The following RNF217 variants were observed in gnomAD, a reference collection of about 807,000 sequenced individuals.
RNF217 encodes the protein ring finger protein 217.
Under a neutral mutation model 57.8 loss-of-function variants are expected in RNF217, and 31 were observed. The ratio of observed to expected loss-of-function variants is 0.54; its 90% CI spans 0.40 to 0.72. The LOEUF (loss-of-function observed/expected upper bound fraction) is 0.72. RNF217 is among the 30% of genes least tolerant of loss of function. RNF217 has a pLI of 0.00. For synonymous variants in RNF217, 313 were observed against 294.0 expected, an observed-to-expected ratio of 1.06 and a Z score of -0.66; for missense variants, 696 against 708.3, an observed-to-expected ratio of 0.98 and a Z score of 0.20.
chr6:125,068,958 T>C (rs749899791), intron 3 of RNF217, among the ~76,000 whole-genome samples: 23 of 151,890 alleles, frequency 1.5e-4, no homozygotes, highest in Admixed American at 1.3e-4. Flanking sequence ...AAGATGAAGC[T>C]GAAGGAGGGG....
intron 1 of RNF217, among the ~76,000 whole-genome samples, chr6:124,964,199 T>A (rs1344138208): frequency 1.3e-5 from 2 of 152,210 alleles, no homozygotes; most frequent in Admixed American, 6.5e-5. Context: ...CAGTTTTCAA[T>A]CTGTGATGTT....
chr6:125,033,747 C>G (rs1171169790), intron 1 of RNF217, among the ~76,000 whole-genome samples: 2 of 151,982 alleles, frequency 1.3e-5, no homozygotes, highest in African/African-American at 2.4e-5. Flanking sequence ...ATTTCTAGTT[C>G]AAGATCCCTG....
chr6:125,052,530 C>G (rs1787364524), intron 2 of RNF217, among the ~76,000 whole-genome samples: 1 of 151,920 alleles, frequency 6.6e-6, no homozygotes, highest in Admixed American at 6.6e-5. Flanking sequence ...GGGAAGAGAT[C>G]CCCAAGTAGG....
intron 1 of RNF217, among the ~76,000 whole-genome samples, chr6:125,025,382 T>C (rs889549866): frequency 3.9e-5 from 6 of 152,204 alleles, no homozygotes; most frequent in African/African-American, 1.2e-4. Context: ...TGTTTTCTTT[T>C]GCTTTTATAG....
intron 4 of RNF217, 137 bp from the exon 5 acceptor site, chr6:125,081,299 C>T (rs1788563894): frequency 6.5e-6 from 4 of 615,206 alleles, no homozygotes; most frequent in Non-Finnish European, 8.5e-6. Context: ...TGATACATTT[C>T]TTAGATATAT....
At chr6:124,967,189 G>A (rs775519536) in intron 1 of RNF217, among the ~76,000 whole-genome samples, 9 of 152,292 alleles carry the variant, frequency 5.9e-5, no homozygotes, top group Middle Eastern at 3.4e-3. Flanking sequence ...CTGTGTATGC[G>A]TGTGTGAATA....
rs1232651500 is a variant in RNF217 at position 124,962,580 on chromosome 6, CG to C, written c.39del (p.Gln15ArgfsTer181). 7.9e-7 allele frequency: 1 copy of C among 1,268,388 alleles called. No individual in the cohort carries two copies. The highest frequency in any genetic ancestry group is 9.9e-7 in the Non-Finnish European group (1 of 1,011,430). 78.6% of individuals were successfully genotyped at this position (1,268,388 alleles called of 1,614,324 possible). On this transcript the variant is annotated frameshift_variant, in exon 1 of 6. Coordinates refer to ENST00000521654, the MANE Select transcript of RNF217 (RefSeq NM_001286398.3). LOFTEE classifies it high-confidence loss of function. The surrounding 1 kb of genome is among the most constrained non-coding windows in gnomAD (Gnocchi z 4.6). The stretch of plus-strand genomic sequence containing the variant: ...AGCAGAGCACGGTGAGCGGCGGCGG[CG>C]GGCCCCAGGAGTCGCAGACCCTGGC... ...EEQSTVSGGGGPQESQTLASG... is the reference protein window; with the variant it reads ...EEQSTVSGGGXPQESQTLASG...
At chr6:125,078,884 C>G (rs1788470859) in intron 4 of RNF217, among the ~76,000 whole-genome samples, 1 of 152,156 alleles carries the variant, frequency 6.6e-6, no homozygotes, top group African/African-American at 2.4e-5. Context: ...CCTCCCTCCC[C>G]CATCTCCACA....
At chr6:124,979,932 C>G (rs2115011249) in intron 1 of RNF217, among the ~76,000 whole-genome samples, 1 of 152,298 alleles carries the variant, frequency 6.6e-6, no homozygotes, top group South Asian at 2.1e-4. Context: ...CTGTCACTTA[C>G]TGGATCTTTG....
rs375412836 is a variant in RNF217, at chr6:124,969,016, A to G, written c.882+5590A>G. On this transcript the variant is annotated intron_variant, in intron 1 of 5. Transcript: ENST00000521654. ...TAGCCTTGTTGGCAGTATTTTCCCC[A>G]GCTTTATCTGATGGCATAAATAAGC... is the stretch of plus-strand genomic sequence containing the variant. Among the ~76,000 whole-genome samples, 17 of 152,296 alleles carry G rather than the reference A, an allele frequency of 1.1e-4. No homozygotes were observed. In the East Asian group the frequency reaches 2.9e-3, roughly 26 times the overall value.
chr6:125,049,776 T>C lies in RNF217; in HGVS notation c.1116+4332T>C, dbSNP rs542193273. ...GGGCATGGGGGAGTAAAAAAGAATA[T>C]AGTTGAAAGAAAACATGGGGTGAGT... On this transcript the variant is annotated intron_variant, in intron 2 of 5. Coordinates refer to ENST00000521654, the MANE Select transcript of RNF217 (RefSeq NM_001286398.3). Among the ~76,000 whole-genome samples the C allele has an allele frequency of 1.1e-4, 17 of 151,808 alleles. No homozygotes were observed. In the South Asian group the frequency reaches 3.5e-3, roughly 32 times the overall value.
Position 124,963,097 on chromosome 6 carries a change from C to T in RNF217, c.553C>T (p.Pro185Ser). ...EAPASEQLSP[P>S]ASPPGAPPVL... is the part of the protein sequence containing the mutation. ...CCCCGCCTCGGAGCAGCTCTCGCCG[C>T]CCGCGTCGCCACCTGGGGCTCCGCC... The change falls in exon 1 of 6, where the codon CCC (proline) becomes TCC (serine). Residue 185 changes from proline (P) to serine (S), a missense_variant. Coordinates refer to ENST00000521654, the MANE Select transcript of RNF217 (RefSeq NM_001286398.3). The T allele has an allele frequency of 6.5e-7, 1 of 1,542,368 alleles. No individual in the cohort carries two copies. The highest frequency in any genetic ancestry group is 8.7e-7 in the Non-Finnish European group (1 of 1,150,990).
Position 125,006,239 on chromosome 6 carries a change from G to A in RNF217, c.883-38972G>A, listed in dbSNP as rs1245210072. 3 of 152,234 alleles carry A rather than the reference G, an allele frequency of 2.0e-5. No homozygotes were observed. The East Asian group carries it at 5.8e-4, about 29-fold the overall frequency. 9.4% of individuals were successfully genotyped at this position (152,234 alleles called of 1,614,324 possible). ...CAATAAATGAAGAAAAATAAGTTAT[G>A]AACTTTTGACTCGAGTTTCCAAAAT... On this transcript the variant is annotated intron_variant, in intron 1 of 5. Coordinates refer to ENST00000521654, the MANE Select transcript of RNF217 (RefSeq NM_001286398.3).
At chr6:125,030,181 C>T (rs1049183451) in intron 1 of RNF217, among the ~76,000 whole-genome samples, 2 of 152,128 alleles carry the variant, frequency 1.3e-5, no homozygotes, top group Non-Finnish European at 2.9e-5. Context: ...ATTTAGTTAC[C>T]TCCCCCTGGG....
intron 1 of RNF217, among the ~76,000 whole-genome samples, chr6:124,978,891 A>G (rs1784059561): frequency 1.3e-5 from 2 of 152,160 alleles, no homozygotes; most frequent in Admixed American, 1.3e-4. Context: ...CGGACAGGGC[A>G]CCCTGAAAGC....
At chr6:124,987,952 A>G (rs1036382194) in intron 1 of RNF217, among the ~76,000 whole-genome samples, 8 of 152,146 alleles carry the variant, frequency 5.3e-5, no homozygotes, top group African/African-American at 1.9e-4. Context: ...TAATTTCCAA[A>G]GCCGTTAGAT....
At chr6:125,048,372 TCACA>T (rs1461073264) in intron 2 of RNF217, 1 of 788,314 alleles carries the variant, frequency 1.3e-6, no homozygotes. Context: ...ATTCAAGTAC[TCACA>T]CACAATACAT....
At chr6:125,077,922 G>C (rs982153188) in intron 4 of RNF217, among the ~76,000 whole-genome samples, 2 of 152,156 alleles carry the variant, frequency 1.3e-5, no homozygotes, top group Non-Finnish European at 2.9e-5. Context: ...GAACAAAGCT[G>C]ATGTTAGTGA....
rs61504994 is a variant in RNF217, at chr6:125,013,351, A to ATGTGTGTG, written c.883-31829_883-31822dup. 5.3e-3 allele frequency among the ~76,000 whole-genome samples: 745 copies of ATGTGTGTG among 141,280 alleles called. 5 individuals carry two copies. Among genetic ancestry groups the ATGTGTGTG allele is most frequent in the African/African-American group, 0.019 (691 of 35,812 alleles). The allele number at this position is 141,280 out of a possible 152,430, so 92.7% of individuals were successfully genotyped here. ...AGGTAGGTGCTTGCATGTTTTGTGT[A>ATGTGTGTG]TGTGTGTGTGTGTGTGTGTGTGTGT... On this transcript the variant is annotated intron_variant, in intron 1 of 5. Coordinates refer to ENST00000521654, the MANE Select transcript of RNF217 (RefSeq NM_001286398.3).
Sources: allele counts gnomAD v4.1 joint callset (sites outside exome capture counted in the v4.1 genomes callset), GRCh38; gene constraint gnomAD v4.1.1; non-coding constraint Gnocchi (gnomAD v3.1); transcripts MANE v1.5; gene names NCBI Gene and HGNC (gene_info 2026-07-23, HGNC 2026-07-21).